EPPK1: variants seen among roughly 807,000 people sequenced by gnomAD.
The protein encoded by EPPK1 is epiplakin.
For synonymous variants in EPPK1, 1,862 were observed against 1,721.2 expected (o/e 1.08, Z -2.03); for missense variants, 3,823 against 3,673.3 (o/e 1.04, Z -1.05).
chr8:143,878,607 T>C (rs1434779151), upstream of EPPK1: 1 of 151,150 alleles, frequency 6.6e-6, no homozygotes, highest in Non-Finnish European at 1.5e-5. Context: ...GCCTGGCGCT[T>C]GCACCCCGGG....
In EPPK1 at chr8:143,869,790, TC is replaced by T; in HGVS notation, c.3463del (p.Glu1155ArgfsTer22). The T allele has an allele frequency of 2.5e-6, 4 of 1,605,592 alleles. No homozygotes were observed. In the South Asian group the frequency reaches 4.5e-5, roughly 18 times the overall value. ...CTCCAGCAGGCCCCTCCGTTGCTCC[TC>T]GGTGAAGTGGCAGGAGCTGAGCAGG... ...WDLLSSCHFT[E>X]EQRRGLLEDV... On this transcript the variant is annotated frameshift_variant, in exon 2 of 2. Coordinates refer to ENST00000615648, the MANE Select transcript of EPPK1 (RefSeq NM_031308.4). LOFTEE classifies it low-confidence loss of function (END_TRUNC).
In EPPK1 at chr8:143,870,591, G is replaced by A. The variant is rs377570873; in HGVS notation, c.2663C>T (p.Thr888Ile). The stretch of plus-strand genomic sequence containing the variant: ...ACCGGCCTCCAGGAGCTGGTGGACG[G>A]TGACCCGGCTCCGCAGTGCGGGCAG... ...IMLPALRSRV[T>I]VHQLLEAGII... Residue 888 changes from threonine to isoleucine, a missense_variant, in exon 2 of 2, where the codon ACC becomes ATC. Coordinates refer to ENST00000615648, the MANE Select transcript of EPPK1 (RefSeq NM_031308.4). The surrounding 1 kb of genome is among the most constrained non-coding windows in gnomAD (Gnocchi z 5.2). The A allele has an allele frequency of 2.5e-5, 41 of 1,609,384 alleles. No homozygotes were observed. Among genetic ancestry groups the A allele is most frequent in the Non-Finnish European group, 3.3e-5 (39 of 1,178,736 alleles).
At position 143,857,844 on chromosome 8, in the gene EPPK1, A is replaced by C; in HGVS notation, c.*143T>G. The C allele has an allele frequency of 1.6e-6, 1 of 644,636 alleles. No homozygotes were observed. The highest frequency in any genetic ancestry group is 2.4e-6 in the Non-Finnish European group (1 of 409,820). The allele number at this position is 644,636 out of a possible 1,614,324, so 39.9% of individuals were successfully genotyped here. ...AAAAGTTTCTGTCACATGACAACTT[A>C]AAACGTTTTCCACAGATAACGAATG... On this transcript the variant is annotated 3_prime_UTR_variant, in exon 2 of 2. Coordinates refer to ENST00000615648, the MANE Select transcript of EPPK1 (RefSeq NM_031308.4).
At position 143,870,900 on chromosome 8, in the gene EPPK1, C is replaced by A. The variant is rs2130642911; in HGVS notation, c.2354G>T (p.Cys785Phe). ...NLTYLQLLER[C>F]VRDPETGLYL... ...CAGGCCCGTCTCGGGGTCACGCACA[C>A]AGCGCTCCAGAAGCTGCAGGTACGT... The change falls in exon 2 of 2, where the codon TGT (cysteine) becomes TTT (phenylalanine). Residue 785 changes from cysteine (C) to phenylalanine (F), a missense_variant. Cys to Phe is a radical substitution (Grantham distance 205). Transcript: ENST00000615648. This position sits in a 1 kb window ranked among gnomAD's most constrained non-coding sequence, Gnocchi z 5.2. 6.2e-7 allele frequency: 1 copy of A among 1,613,294 alleles called. No individual in the cohort carries two copies. Among genetic ancestry groups the A allele is most frequent in the Non-Finnish European group, 8.5e-7 (1 of 1,180,002 alleles).
At position 143,870,205 on chromosome 8, in the gene EPPK1, C is replaced by T. The variant is rs1296554281; in HGVS notation, c.3049G>A (p.Gly1017Arg). The change falls in exon 2 of 2, where the codon GGG (glycine) becomes AGG (arginine). Residue 1017 changes from glycine to arginine, a missense_variant. By Grantham distance (125) the Gly-to-Arg change is moderately radical (BLOSUM62 -2). Transcript: ENST00000615648. This position sits in a 1 kb window ranked among gnomAD's most constrained non-coding sequence, Gnocchi z 5.2. Reference protein sequence around the residue: ...AIAGFRDPFSGKQVSVFQAMK... With the variant: ...AIAGFRDPFSRKQVSVFQAMK... Reference sequence around the variant, plus strand: ...GCCTGGAACACAGACACCTGCTTCCCAGAGAAGGGGTCTCTGAAGCCAGCA... The same window carrying T: ...GCCTGGAACACAGACACCTGCTTCCTAGAGAAGGGGTCTCTGAAGCCAGCA... 3 of 1,610,234 alleles carry T rather than the reference C, an allele frequency of 1.9e-6. No homozygotes were observed. The highest frequency in any genetic ancestry group is 2.5e-6 in the Non-Finnish European group (3 of 1,178,844).
chr8:143,874,693 T>C (rs9314419), intron 1 of EPPK1, among the ~76,000 whole-genome samples: 125,073 of 152,054 alleles, frequency 0.82, 51,834 homozygotes, highest in Non-Finnish European at 0.87. Flanking sequence ...TGCACCCCTG[T>C]GCCCACCCAC....
chr8:143,870,010 C>T lies in EPPK1; in HGVS notation c.3244G>A (p.Glu1082Lys), dbSNP rs543266755. The change falls in exon 2 of 2, where the codon GAA becomes AAA. Residue 1082 changes from glutamate (E) to lysine (K), a missense_variant. Coordinates refer to ENST00000615648, the MANE Select transcript of EPPK1 (RefSeq NM_031308.4). This position sits in a 1 kb window ranked among gnomAD's most constrained non-coding sequence, Gnocchi z 5.2. Reference sequence around the variant, plus strand: ...TGGCCGTCCGGTGTGGGGAAGGTTTCGGAGGAGCTGGACAAGGCTGTCTCC... The same window carrying T: ...TGGCCGTCCGGTGTGGGGAAGGTTTTGGAGGAGCTGGACAAGGCTGTCTCC... ...EMETALSSSS[E>K]TFPTPDGQGR... 148 of 1,609,852 alleles carry T rather than the reference C, an allele frequency of 9.2e-5. 1 individual carries two copies. Among genetic ancestry groups the T allele is most frequent in the African/African-American group, 1.3e-4 (10 of 74,958 alleles).
In EPPK1 at chr8:143,867,187, G is replaced by A. The variant is rs782481607; in HGVS notation, c.6067C>T (p.His2023Tyr). 5.6e-6 allele frequency: 9 copies of A among 1,612,836 alleles called. No individual in the cohort carries two copies. The highest frequency in any genetic ancestry group is 7.6e-6 in the Non-Finnish European group (9 of 1,179,836). ...TAGGCTGTTTCCAGTGGGAGCCGGT[G>A]GTGGTGCTGTGGGTCGATGACACCC... ...TGGVIDPQHH[H>Y]RLPLETAYRR... The change falls in exon 2 of 2, where the codon CAC (histidine) becomes TAC (tyrosine). Residue 2023 changes from histidine (H) to tyrosine (Y), a missense_variant. By Grantham distance (83) the His-to-Tyr change is moderately conservative. Coordinates refer to ENST00000615648, the MANE Select transcript of EPPK1 (RefSeq NM_031308.4).
In EPPK1 at chr8:143,869,681, C is replaced by G. The variant is rs1331257647; in HGVS notation, c.3573G>C (p.Gln1191His). 1.9e-6 allele frequency: 3 copies of G among 1,596,392 alleles called. No individual in the cohort carries two copies. Among genetic ancestry groups the G allele is most frequent in the African/African-American group, 1.3e-5 (1 of 74,526 alleles). ...GTGGGCCGGGCACCATGACGCGGGC[C>G]TGGGCCAGGAGCTTGGTCTCCTGTA... ...RWVQETKLLA[Q>H]ARVMVPGPRG... The change falls in exon 2 of 2, where the codon CAG becomes CAC. Residue 1191 changes from glutamine (Q) to histidine (H), a missense_variant. By Grantham distance (24) the Gln-to-His change is conservative (BLOSUM62 0). Coordinates refer to ENST00000615648, the MANE Select transcript of EPPK1 (RefSeq NM_031308.4).
Position 143,870,285 on chromosome 8 carries a change from C to A in EPPK1, c.2969G>T (p.Arg990Met). 6.3e-7 allele frequency: 1 copy of A among 1,586,798 alleles called. No individual in the cohort carries two copies. Residue 990 changes from arginine (R) to methionine (M), a missense_variant, in exon 2 of 2, where the codon AGG becomes ATG. Transcript: ENST00000615648. The surrounding 1 kb of genome is among the most constrained non-coding windows in gnomAD (Gnocchi z 5.2). ...ESLSVDEAVR[R>M]GVVGPELYGR... ...ATACAGCTCCGGCCCCACCACACCC[C>A]TGCGCACGGCCTCATCCACCGAGAG...
chr8:143,872,430 G>T lies in EPPK1; in HGVS notation c.824C>A (p.Ala275Asp), dbSNP rs782253716. ...RLAAVDVSAR[A>D]EVRRYLEGTG... ...ACCCTCCAGGTAGCGCCGCACCTCG[G>T]CACGTGCACTCACGTCCACTGCGGC... The change falls in exon 2 of 2, where the codon GCC (alanine) becomes GAC (aspartate). Residue 275 changes from alanine to aspartate, a missense_variant. By Grantham distance (126) the Ala-to-Asp change is moderately radical. Transcript: ENST00000615648. 1 of 1,600,742 alleles carries T rather than the reference G, an allele frequency of 6.2e-7. No individual in the cohort carries two copies. The highest frequency in any genetic ancestry group is 1.3e-5 in the African/African-American group (1 of 75,040).
Position 143,869,620 on chromosome 8 carries a change from C to T in EPPK1, c.3634G>A (p.Gly1212Ser), listed in dbSNP as rs201640637. ...EVPAVWLLDA[G>S]IITQETLEAL... The stretch of plus-strand genomic sequence containing the variant: ...TCAAGGGTCTCCTGGGTGATGATGC[C>T]AGCATCCAGCAGCCAGACAGCGGGT... Residue 1212 changes from glycine (G) to serine (S), a missense_variant, in exon 2 of 2, where the codon GGC becomes AGC. Coordinates refer to ENST00000615648, the MANE Select transcript of EPPK1 (RefSeq NM_031308.4). 135 of 1,578,570 alleles carry T rather than the reference C, an allele frequency of 8.6e-5. No homozygotes were observed. In the African/African-American group the frequency reaches 1.8e-3, roughly 21 times the overall value.
At position 143,872,698 on chromosome 8, in the gene EPPK1, G is replaced by A. The variant is rs782023063; in HGVS notation, c.556C>T (p.His186Tyr). 4.4e-6 allele frequency: 7 copies of A among 1,602,324 alleles called. No homozygotes were observed. In the African/African-American group the frequency reaches 8.0e-5, roughly 18 times the overall value. The change falls in exon 2 of 2, where the codon CAC becomes TAC. Residue 186 changes from histidine to tyrosine, a missense_variant. His to Tyr is a moderately conservative substitution (Grantham distance 83). Transcript: ENST00000615648. ...HQGLLDRETW[H>Y]KLSELEPGTG... is the part of the protein sequence containing the mutation. ...CCAGGCTCAAGCTCTGACAGCTTGT[G>A]CCATGTCTCCCGGTCCAGGAGGCCC...
chr8:143,870,373 G>A lies in EPPK1; in HGVS notation c.2881C>T (p.Leu961=). 1 of 1,565,214 alleles carries A rather than the reference G, an allele frequency of 6.4e-7. No homozygotes were observed. The highest frequency in any genetic ancestry group is 1.1e-5 in the South Asian group (1 of 87,014). The change falls in exon 2 of 2, where the codon CTG becomes TTG. Residue 961 remains leucine (L), a synonymous_variant. Transcript: ENST00000615648. The surrounding 1 kb of genome is among the most constrained non-coding windows in gnomAD (Gnocchi z 5.2). Reference sequence around the variant, plus strand: ...GCCGCCTGGGCCTCCAGCAGGGCCAGGGCCACCCTGGGCCCCAGCAGCTTC... The same window carrying A: ...GCCGCCTGGGCCTCCAGCAGGGCCAAGGCCACCCTGGGCCCCAGCAGCTTC... ...RQKLLGPRVA[L]ALLEAQAATG...
rs745344386 is a variant in EPPK1 at position 143,868,283 on chromosome 8, G to T, written c.4971C>A (p.Thr1657=). 1.9e-6 allele frequency: 3 copies of T among 1,613,190 alleles called. No individual in the cohort carries two copies. The highest frequency in any genetic ancestry group is 2.5e-6 in the Non-Finnish European group (3 of 1,180,028). Reference sequence around the variant, plus strand: ...CCTGGAAGAGGGAGATCTGCTGCCCGGTATAGGGGTCGGTGTAGCCGGTGA... The same window carrying T: ...CCTGGAAGAGGGAGATCTGCTGCCCTGTATAGGGGTCGGTGTAGCCGGTGA... The part of the protein sequence containing the change: ...RAVTGYTDPY[T]GQQISLFQAM... Residue 1657 remains threonine, a synonymous_variant, in exon 2 of 2, where the codon ACC becomes ACA. Coordinates refer to ENST00000615648, the MANE Select transcript of EPPK1 (RefSeq NM_031308.4).
chr8:143,876,058 G>A (rs369613695), intron 1 of EPPK1, among the ~76,000 whole-genome samples: 5 of 152,300 alleles, frequency 3.3e-5, no homozygotes, highest in African/African-American at 9.6e-5. Flanking sequence ...TCTGCCAGGG[G>A]ACACAGCTAG....
chr8:143,872,363 G>A lies in EPPK1; in HGVS notation c.891C>T (p.His297=). The change falls in exon 2 of 2, where the codon CAC becomes CAT. Residue 297 remains histidine, a synonymous_variant. Coordinates refer to ENST00000615648, the MANE Select transcript of EPPK1 (RefSeq NM_031308.4). The part of the protein sequence containing the change: ...VAGVVLLPEG[H]KKSFFQAATE... ...TGGCAGCCTGGAAAAAGCTCTTCTT[G>A]TGGCCTTCGGGCAGCAGGACAACCC... is the stretch of plus-strand genomic sequence containing the variant. 6.2e-7 allele frequency: 1 copy of A among 1,605,072 alleles called. No individual in the cohort carries two copies. Among genetic ancestry groups the A allele is most frequent in the Non-Finnish European group, 8.5e-7 (1 of 1,178,738 alleles).
chr8:143,871,638 T>G lies in EPPK1; in HGVS notation c.1616A>C (p.Glu539Ala), dbSNP rs782340723. 27 of 1,603,820 alleles carry G rather than the reference T, an allele frequency of 1.7e-5. No homozygotes were observed. The highest frequency in any genetic ancestry group is 2.0e-5 in the Non-Finnish European group (24 of 1,176,676). ...QQYQEGTLSV[E>A]KLAAKLSATL... ...GGCGCTCAGCTTAGCGGCCAGCTTC[T>G]CCACGGAGAGGGTCCCTTCCTGGTA... Residue 539 changes from glutamate (E) to alanine (A), a missense_variant, in exon 2 of 2, where the codon GAG (glutamate) becomes GCG (alanine). By Grantham distance (107) the Glu-to-Ala change is moderately radical. Coordinates refer to ENST00000615648, the MANE Select transcript of EPPK1 (RefSeq NM_031308.4).
In EPPK1 at chr8:143,866,692, TGAG is replaced by T; in HGVS notation, c.6559_6561del (p.Leu2187del). 1 of 1,613,342 alleles carries T rather than the reference TGAG, an allele frequency of 6.2e-7. No individual in the cohort carries two copies. The highest frequency in any genetic ancestry group is 8.5e-7 in the Non-Finnish European group (1 of 1,179,864). ...ATTTCCTCCGTGATTATGGCTGAGCTGAGGAGTTCAGAAGCTGTGATCTGTCGT... is the reference window on the plus strand; with the variant it reads ...ATTTCCTCCGTGATTATGGCTGAGCTGAGTTCAGAAGCTGTGATCTGTCGT... On this transcript the variant is annotated inframe_deletion, in exon 2 of 2. Coordinates refer to ENST00000615648, the MANE Select transcript of EPPK1 (RefSeq NM_031308.4).
Sources: gnomAD v4.1 joint callset for allele counts (sites outside exome capture counted in the v4.1 genomes callset) on GRCh38, gnomAD v4.1.1 for gene constraint, Gnocchi (gnomAD v3.1) non-coding constraint, MANE v1.5 for transcripts, NCBI Gene and HGNC (gene_info 2026-07-23, HGNC 2026-07-21) for gene names.